The following APC variants were observed in gnomAD, a reference collection of about 807,000 sequenced individuals.
The protein encoded by APC is APC regulator of Wnt signaling pathway.
In APC, 72 loss-of-function variants were observed where a neutral mutation model predicts 247.0. That is an observed-to-expected ratio of 0.29 (90% confidence interval 0.24 to 0.35). The LOEUF is 0.35. APC is among the 10% of genes least tolerant of loss of function. APC has a pLI of 1.00. For synonymous variants in APC, 1,254 were observed against 1,162.5 expected (o/e 1.08, Z -1.60); for missense variants, 3,400 against 3,360.7 (o/e 1.01, Z -0.29).
At chr5:112,812,914 T>C (rs1024276067) in intron 8 of APC, among the ~76,000 whole-genome samples, 1 of 152,168 alleles carries the variant, frequency 6.6e-6, no homozygotes, top group African/African-American at 2.4e-5. Flanking sequence ...AAGATGAGTC[T>C]TTCCTTGATG....
At chr5:112,834,773 T>C (rs894623305) in intron 14 of APC, among the ~76,000 whole-genome samples, 178 bp from the exon 15 acceptor site, 1 of 152,198 alleles carries the variant, frequency 6.6e-6, no homozygotes, top group African/African-American at 2.4e-5. Flanking sequence ...ATCACTGATA[T>C]AAATACTATT....
intron 9 of APC, among the ~76,000 whole-genome samples, chr5:112,817,076 G>A (rs1762587756): frequency 6.6e-6 from 1 of 151,854 alleles, no homozygotes; most frequent in South Asian, 2.1e-4. Context: ...TGCCATGTTG[G>A]CCAGGCTGGT....
intron 1 of APC, among the ~76,000 whole-genome samples, chr5:112,740,202 A>G (rs1752828523): frequency 6.6e-6 from 1 of 152,230 alleles, no homozygotes; most frequent in Admixed American, 6.5e-5. Flanking sequence ...GCAAATGGAG[A>G]AGCAGCAGTT....
chr5:112,728,831 G>C (rs1029806925), intron 1 of APC, among the ~76,000 whole-genome samples: 4 of 152,082 alleles, frequency 2.6e-5, no homozygotes, highest in African/African-American at 9.7e-5. Flanking sequence ...CTAGAAACTG[G>C]TCCTGTAATA....
intron 2 of APC, among the ~76,000 whole-genome samples, chr5:112,761,245 T>A (rs1032388067): frequency 2.6e-5 from 4 of 152,150 alleles, no homozygotes; most frequent in African/African-American, 9.7e-5. Flanking sequence ...TGGCATACAG[T>A]CAAACGTTAT....
rs1554081682 is a variant in APC, at chr5:112,827,160, G to A, written c.1461G>A (p.Gly487=). Residue 487 remains glycine (G), a synonymous_variant, in exon 12 of 16, where the codon GGG becomes GGA. Transcript: ENST00000257430. ...ELLQVDCEMY[G]LTNDHYSITL... is the part of the protein sequence containing the mutation. Reference sequence around the variant, plus strand: ...TGCAAGTGGACTGTGAAATGTATGGGCTTACTAATGACCACTACAGTATTA... The same window carrying A: ...TGCAAGTGGACTGTGAAATGTATGGACTTACTAATGACCACTACAGTATTA... 5 of 1,613,650 alleles carry A rather than the reference G, an allele frequency of 3.1e-6. No homozygotes were observed. The highest frequency in any genetic ancestry group is 1.1e-5 in the South Asian group (1 of 91,076).
chr5:112,826,692 G>T (rs1346808272), intron 11 of APC, among the ~76,000 whole-genome samples: 2 of 146,658 alleles, frequency 1.4e-5, no homozygotes. Context: ...AAAAATTAAA[G>T]TAGTTAGGCC....
intron 9 of APC, among the ~76,000 whole-genome samples, chr5:112,817,620 T>C (rs1282735838): frequency 1.3e-5 from 2 of 152,214 alleles, no homozygotes; most frequent in Non-Finnish European, 1.5e-5. Flanking sequence ...AAGAGTAATA[T>C]TGTGTGAAAA....
At position 112,838,477 on chromosome 5, in the gene APC, T is replaced by C. The variant is rs1060503367; in HGVS notation, c.2883T>C (p.Asn961=). The C allele has an allele frequency of 1.9e-6, 3 of 1,614,210 alleles. No individual in the cohort carries two copies. Among genetic ancestry groups the C allele is most frequent in the Non-Finnish European group, 2.5e-6 (3 of 1,180,048 alleles). The change falls in exon 16 of 16, where the codon AAT becomes AAC. Residue 961 remains asparagine, a synonymous_variant. Transcript: ENST00000257430. ...YAKLEYKRSS[N]DSLNSVSSSD... is the part of the protein sequence containing the mutation. ...AATTAGAATACAAGAGATCTTCAAA[T>C]GATAGTTTAAATAGTGTCAGTAGTA...
chr5:112,813,992 T>G (rs1762238244), intron 8 of APC, among the ~76,000 whole-genome samples: 1 of 152,194 alleles, frequency 6.6e-6, no homozygotes. Flanking sequence ...TTGACATTCT[T>G]ACGGATTTTA....
At chr5:112,794,969 A>G (rs1035260740) in intron 7 of APC, among the ~76,000 whole-genome samples, 1 of 152,134 alleles carries the variant, frequency 6.6e-6, no homozygotes, top group African/African-American at 2.4e-5. Context: ...GGGTGCAGAG[A>G]TTTCATGCTT....
At chr5:112,775,933 C>T (rs1478120700) in intron 5 of APC, among the ~76,000 whole-genome samples, 196 bp downstream of exon 5, 4 of 152,178 alleles carry the variant, frequency 2.6e-5, no homozygotes, top group East Asian at 3.9e-4. Flanking sequence ...CTTTATTGTG[C>T]TCAAATGTTT....
rs191347307 is a variant in APC, at chr5:112,844,392, C to A, written c.*266C>A. ...GTTTTACATGTATTTAAAGTAGCAT[C>A]CCATCCCAACTTCCTTTAATTATTG... is the stretch of plus-strand genomic sequence containing the variant. On this transcript the variant is annotated 3_prime_UTR_variant, in exon 16 of 16. Coordinates refer to ENST00000257430, the MANE Select transcript of APC (RefSeq NM_000038.6). The A allele has an allele frequency of 5.7e-4, 226 of 394,442 alleles. No individual in the cohort carries two copies. The highest frequency in any genetic ancestry group is 4.4e-3 in the African/African-American group (213 of 48,358). 24.4% of individuals were successfully genotyped at this position (394,442 alleles called of 1,614,324 possible).
intron 12 of APC, 89 bp from the exon 13 acceptor site, chr5:112,827,840 A>G (rs1763858328): frequency 1.9e-6 from 2 of 1,050,846 alleles, no homozygotes; most frequent in Admixed American, 3.8e-5. Flanking sequence ...CAAAATAATG[A>G]AAACTGAATT....
intron 1 of APC, among the ~76,000 whole-genome samples, chr5:112,720,010 A>G (rs1292426935): frequency 2.0e-5 from 3 of 152,242 alleles, no homozygotes; most frequent in Non-Finnish European, 4.4e-5. Context: ...GAATTCTGAG[A>G]TTAAATCTGT....
Position 112,713,855 on chromosome 5 carries a change from G to A in APC, c.165+5973G>A, listed in dbSNP as rs553565838. Among the ~76,000 whole-genome samples, 243 of 152,138 alleles carry A rather than the reference G, an allele frequency of 1.6e-3. 1 individual carries two copies. Among genetic ancestry groups the A allele is most frequent in the African/African-American group, 5.6e-3 (234 of 41,510 alleles). ...GTATTTTTAGTAGAGACAGGGTTTC[G>A]CAATGTTGGCTAGGCTGGTCTTGAA... On this transcript the variant is annotated intron_variant, in intron 1 of 13. Coordinates refer to the APC transcript ENST00000507379.
At position 112,841,627 on chromosome 5, in the gene APC, A is replaced by T. The variant is rs750703971; in HGVS notation, c.6033A>T (p.Ser2011=). The T allele has an allele frequency of 4.3e-6, 7 of 1,613,370 alleles. No homozygotes were observed. The highest frequency in any genetic ancestry group is 5.9e-6 in the Non-Finnish European group (7 of 1,179,356). ...KPQASGYAPK[S]FHVEDTPVCF... ...AAGCATCAGGCTATGCTCCTAAATC[A>T]TTTCATGTTGAAGATACCCCAGTTT... Residue 2011 remains serine (S), a synonymous_variant, in exon 16 of 16, where the codon TCA becomes TCT. Transcript: ENST00000257430. The surrounding 1 kb of genome is among the most constrained non-coding windows in gnomAD (Gnocchi z 4.6).
chr5:112,712,861 A>C (rs1401187107), intron 1 of APC, among the ~76,000 whole-genome samples: 1 of 152,166 alleles, frequency 6.6e-6, no homozygotes, highest in Non-Finnish European at 1.5e-5. Flanking sequence ...TATAATACCC[A>C]GTTAACATTG....
intron 2 of APC, among the ~76,000 whole-genome samples, chr5:112,755,311 A>C (rs1754846134): frequency 6.6e-6 from 1 of 152,248 alleles, no homozygotes; most frequent in Non-Finnish European, 1.5e-5. Context: ...GTACTGAGGC[A>C]AGGTTTTCTG....
Sources: gnomAD v4.1 joint callset for allele counts (sites outside exome capture counted in the v4.1 genomes callset) on GRCh38, gnomAD v4.1.1 for gene constraint, Gnocchi (gnomAD v3.1) non-coding constraint, MANE v1.5 for transcripts, NCBI Gene and HGNC (gene_info 2026-07-23, HGNC 2026-07-21) for gene names.